Variants in ADAMTS17 observed in about 807,000 individuals in gnomAD.
ADAMTS17 encodes the protein A disintegrin and metalloproteinase with thrombospondin motifs 17.
In ADAMTS17, 113 loss-of-function variants were observed where a neutral mutation model predicts 141.5. The observed-to-expected ratio is 0.80, with a 90% CI of 0.69 to 0.93. The LOEUF is 0.93. Among genes scored for constraint, ADAMTS17 ranks in the 40% least tolerant of loss-of-function variants. ADAMTS17 has a pLI of 0.00. For synonymous variants in ADAMTS17, 768 were observed against 630.6 expected, an observed-to-expected ratio of 1.22 and a Z score of -3.27; for missense variants, 1,659 against 1,517.9, an observed-to-expected ratio of 1.09 and a Z score of -1.54.
chr15:100,260,564 G>C (rs1157174681), intron 6 of ADAMTS17, among the ~76,000 whole-genome samples: 1 of 151,524 alleles, frequency 6.6e-6, no homozygotes, highest in Non-Finnish European at 1.5e-5. Context: ...CAGTGAGCCA[G>C]GATTGCGTCA....
At chr15:100,315,374 A>C (rs1436047321) in intron 3 of ADAMTS17, among the ~76,000 whole-genome samples, 2 of 152,128 alleles carry the variant, frequency 1.3e-5, no homozygotes, top group Non-Finnish European at 2.9e-5. Context: ...ACAGAACAAC[A>C]CTGGTGATCG....
At chr15:100,157,567 C>T (rs2039493059) in intron 8 of ADAMTS17, among the ~76,000 whole-genome samples, 1 of 152,166 alleles carries the variant, frequency 6.6e-6, no homozygotes, top group Non-Finnish European at 1.5e-5. Flanking sequence ...ACTGGAGGCC[C>T]ACAGGCTCTT....
chr15:100,097,200 C>CA (rs1199375806), intron 14 of ADAMTS17, among the ~76,000 whole-genome samples: 1 of 152,266 alleles, frequency 6.6e-6, no homozygotes, highest in Non-Finnish European at 1.5e-5. Context: ...TTGTATCCTG[C>CA]AAAATAACCT....
At chr15:99,987,508 G>A (rs1180227115) in intron 20 of ADAMTS17, among the ~76,000 whole-genome samples, 6 of 152,180 alleles carry the variant, frequency 3.9e-5, no homozygotes, top group Admixed American at 1.3e-4. Context: ...CTGGTTACAG[G>A]AAGGAAGCCC....
At chr15:100,009,542 T>A (rs1169656387) in intron 18 of ADAMTS17, among the ~76,000 whole-genome samples, 1 of 152,146 alleles carries the variant, frequency 6.6e-6, no homozygotes, top group African/African-American at 2.4e-5. Flanking sequence ...CTTTGTGAGA[T>A]GTTGCTCTCA....
chr15:100,206,921 G>A lies in ADAMTS17; in HGVS notation c.1076-7498C>T, dbSNP rs374072922. Reference sequence around the variant, plus strand: ...TTAGAGCAGCCACAGGCAGGGCCACGAGCGGAGGCTGCTCAACTGTGATGA... The same window carrying A: ...TTAGAGCAGCCACAGGCAGGGCCACAAGCGGAGGCTGCTCAACTGTGATGA... On this transcript the variant is annotated intron_variant, in intron 7 of 21. Coordinates refer to ENST00000268070, the MANE Select transcript of ADAMTS17 (RefSeq NM_139057.4). 4.3e-4 allele frequency among the ~76,000 whole-genome samples: 66 copies of A among 152,326 alleles called. No homozygotes were observed. The East Asian group carries it at 4.6e-3, about 11-fold the overall frequency.
At chr15:100,280,889 G>A (rs1481156725) in intron 4 of ADAMTS17, among the ~76,000 whole-genome samples, 1 of 152,168 alleles carries the variant, frequency 6.6e-6, no homozygotes, top group Non-Finnish European at 1.5e-5. Flanking sequence ...CTAGACTATG[G>A]ACTCCTTGGA....
chr15:100,035,651 G>A (rs905525829), intron 18 of ADAMTS17, among the ~76,000 whole-genome samples: 5 of 152,210 alleles, frequency 3.3e-5, no homozygotes, highest in African/African-American at 1.2e-4. Context: ...GCTAGCTTGG[G>A]GCCACCAGGA....
At chr15:100,162,074 T>A (rs2039715751) in intron 8 of ADAMTS17, among the ~76,000 whole-genome samples, 1 of 152,118 alleles carries the variant, frequency 6.6e-6, no homozygotes, top group Non-Finnish European at 1.5e-5. Flanking sequence ...GGATAAATAA[T>A]GACCAATATA....
intron 10 of ADAMTS17, among the ~76,000 whole-genome samples, chr15:100,147,690 C>T (rs1309378614): frequency 6.6e-6 from 1 of 152,208 alleles, no homozygotes; most frequent in Non-Finnish European, 1.5e-5. Context: ...TATGACTGTG[C>T]TTCCATTTCT....
chr15:100,261,597 C>T lies in ADAMTS17; in HGVS notation c.913G>A (p.Glu305Lys). The T allele has an allele frequency of 6.2e-7, 1 of 1,614,046 alleles. No individual in the cohort carries two copies. The highest frequency in any genetic ancestry group is 8.5e-7 in the Non-Finnish European group (1 of 1,179,996). ...SIGHHGERSL[E>K]SFCHWQNEEY... ...TCGTTCTGCCAGTGACAGAAGCTCT[C>T]CAGGGACCGCTCACCATGGTGCCCA... Residue 305 changes from glutamate to lysine, a missense_variant, in exon 6 of 22, where the codon GAG becomes AAG. By Grantham distance (56) the Glu-to-Lys change is moderately conservative (BLOSUM62 1). Transcript: ENST00000268070.
At chr15:99,989,392 A>G (rs989300090) in intron 20 of ADAMTS17, among the ~76,000 whole-genome samples, 1 of 152,234 alleles carries the variant, frequency 6.6e-6, no homozygotes, top group African/African-American at 2.4e-5. Flanking sequence ...TACAGGCTGC[A>G]TTTAGGGCGT....
intron 2 of ADAMTS17, among the ~76,000 whole-genome samples, chr15:100,332,773 T>C (rs977184248): frequency 3.3e-5 from 5 of 152,204 alleles, no homozygotes; most frequent in African/African-American, 4.8e-5. Context: ...CTGGTTTCTA[T>C]AAACTTAAGG....
chr15:100,182,349 T>C (rs533137182), intron 8 of ADAMTS17, among the ~76,000 whole-genome samples: 1 of 152,130 alleles, frequency 6.6e-6, no homozygotes, highest in Non-Finnish European at 1.5e-5. Context: ...ACCCACCAGG[T>C]TCCTCCCTCA....
intron 4 of ADAMTS17, among the ~76,000 whole-genome samples, chr15:100,279,094 G>C (rs1953952666): frequency 6.6e-6 from 1 of 152,090 alleles, no homozygotes; most frequent in Non-Finnish European, 1.5e-5. Context: ...ATCCAGCTTT[G>C]TGTCCTTGCC....
intron 15 of ADAMTS17, among the ~76,000 whole-genome samples, chr15:100,065,654 T>C (rs991846504): frequency 8.5e-5 from 13 of 152,198 alleles, no homozygotes; most frequent in Admixed American, 6.5e-5. Context: ...CGAAAAAGAT[T>C]GTTACTGTGA....
At chr15:100,117,162 C>T (rs1468440814) in intron 12 of ADAMTS17, 149 bp from the exon 13 acceptor site, 1 of 882,340 alleles carries the variant, frequency 1.1e-6, no homozygotes, top group Non-Finnish European at 1.8e-6. Context: ...AGACCAAATG[C>T]CCACAATCCC....
chr15:99,988,393 G>T (rs1014023208), intron 20 of ADAMTS17, among the ~76,000 whole-genome samples: 1 of 152,118 alleles, frequency 6.6e-6, no homozygotes, highest in Non-Finnish European at 1.5e-5. Flanking sequence ...ACCTTCTACT[G>T]CAAGTAAAAG....
At chr15:100,138,083 G>T (rs1230688221) in intron 10 of ADAMTS17, among the ~76,000 whole-genome samples, 1 of 152,238 alleles carries the variant, frequency 6.6e-6, no homozygotes, top group Non-Finnish European at 1.5e-5. Context: ...ATCTCAGATA[G>T]AACAAGGTCA....
Sources: allele counts gnomAD v4.1 joint callset (sites outside exome capture counted in the v4.1 genomes callset), GRCh38; gene constraint gnomAD v4.1.1; transcripts MANE v1.5; gene names NCBI Gene and HGNC (gene_info 2026-07-23, HGNC 2026-07-21).